The following MOB3B variants were observed in gnomAD, a reference collection of about 807,000 sequenced individuals.
MOB3B encodes the protein MOB kinase activator 3B.
In MOB3B, 7 loss-of-function variants were observed where a neutral mutation model predicts 18.7. The observed-to-expected ratio is 0.37, with a 90% CI of 0.21 to 0.70. MOB3B has a LOEUF of 0.70. MOB3B is among the 30% of genes least tolerant of loss of function. The pLI, the probability that MOB3B is intolerant of heterozygous loss-of-function variation, is 0.52. For synonymous variants in MOB3B, 111 were observed against 99.9 expected (o/e 1.11, Z -0.66); for missense variants, 253 against 281.3 (o/e 0.90, Z 0.72).
intron 3 of MOB3B, among the ~76,000 whole-genome samples, chr9:27,342,844 G>C (rs1820969866): frequency 6.6e-6 from 1 of 151,440 alleles, no homozygotes. Flanking sequence ...CGCCTGCCTT[G>C]GCCTCCCAAA....
intron 2 of MOB3B, among the ~76,000 whole-genome samples, chr9:27,454,817 T>C (rs1822843813): frequency 6.6e-6 from 1 of 152,138 alleles, no homozygotes; most frequent in Non-Finnish European, 1.5e-5. Flanking sequence ...AACCAAAAAA[T>C]AATAATCTTA....
At chr9:27,349,968 C>G (rs940914714) in intron 3 of MOB3B, among the ~76,000 whole-genome samples, 7 of 152,160 alleles carry the variant, frequency 4.6e-5, no homozygotes, top group African/African-American at 1.7e-4. Flanking sequence ...GGTAGAGCCT[C>G]TGGCTCAGTG....
At chr9:27,521,886 G>T (rs2131508252) in intron 1 of MOB3B, among the ~76,000 whole-genome samples, 1 of 152,228 alleles carries the variant, frequency 6.6e-6, no homozygotes, top group East Asian at 1.9e-4. Flanking sequence ...TCCCATTTCA[G>T]ATGTATAATA....
At chr9:27,388,366 T>C (rs1292388977) in intron 2 of MOB3B, among the ~76,000 whole-genome samples, 1 of 152,202 alleles carries the variant, frequency 6.6e-6, no homozygotes, top group African/African-American at 2.4e-5. Context: ...CAAGCACCCA[T>C]ACAGCTTTCA....
In MOB3B at chr9:27,354,545, TC is replaced by T. The variant is rs541884836; in HGVS notation, c.621+4488del. 1.2e-4 allele frequency among the ~76,000 whole-genome samples: 18 copies of T among 152,284 alleles called. No individual in the cohort carries two copies. The East Asian group carries it at 3.3e-3, about 28-fold the overall frequency. On this transcript the variant is annotated intron_variant, in intron 3 of 3. Transcript: ENST00000262244. ...CTAATCTGACAGGATGAAGCATTAGTCCCAACATGGAAATGGGTAAGTGGAG... is the reference window on the plus strand; with the variant it reads ...CTAATCTGACAGGATGAAGCATTAGTCCAACATGGAAATGGGTAAGTGGAG...
intron 1 of MOB3B, among the ~76,000 whole-genome samples, chr9:27,518,410 A>G (rs1820272959): frequency 6.6e-6 from 1 of 152,210 alleles, no homozygotes; most frequent in African/African-American, 2.4e-5. Flanking sequence ...AATTCTTACT[A>G]ACATCCTCAG....
rs114183492 is a variant in MOB3B, at chr9:27,349,744, G to A, written c.621+9290C>T. Reference sequence around the variant, plus strand: ...GTGGAGGTTCTGATGGGAAATCTAGGGAGAAATGTTGAGCAGAAGGTACTG... The same window carrying A: ...GTGGAGGTTCTGATGGGAAATCTAGAGAGAAATGTTGAGCAGAAGGTACTG... On this transcript the variant is annotated intron_variant, in intron 3 of 3. Transcript: ENST00000262244. 5.2e-3 allele frequency among the ~76,000 whole-genome samples: 795 copies of A among 152,270 alleles called. 8 individuals carry two copies. The highest frequency in any genetic ancestry group is 0.017 in the African/African-American group (701 of 41,558).
At position 27,359,064 on chromosome 9, in the gene MOB3B, G is replaced by A. The variant is rs759360636; in HGVS notation, c.591C>T (p.Asn197=). 4 of 1,614,154 alleles carry A rather than the reference G, an allele frequency of 2.5e-6. No individual in the cohort carries two copies. Among genetic ancestry groups the A allele is most frequent in the African/African-American group, 1.3e-5 (1 of 75,036 alleles). Residue 197 remains asparagine, a synonymous_variant, in exon 3 of 4, where the codon AAC becomes AAT. Coordinates refer to ENST00000262244, the MANE Select transcript of MOB3B (RefSeq NM_024761.5). Reference sequence around the variant, plus strand: ...GCTCTAGCTCCTTGCGGTCTATGAGGTTCATCTCTGTGACAAAGTAATAGA... The same window carrying A: ...GCTCTAGCTCCTTGCGGTCTATGAGATTCATCTCTGTGACAAAGTAATAGA... ...KHFYYFVTEM[N]LIDRKELEPL... is the part of the protein sequence containing the mutation.
chr9:27,446,998 T>G (rs942134785), intron 2 of MOB3B, among the ~76,000 whole-genome samples: 1 of 94,682 alleles, frequency 1.1e-5, no homozygotes. Context: ...AATAGGAAAT[T>G]AGCATGAATT....
chr9:27,376,327 A>T (rs1002741283), intron 2 of MOB3B, among the ~76,000 whole-genome samples: 1 of 152,248 alleles, frequency 6.6e-6, no homozygotes, highest in African/African-American at 2.4e-5. Context: ...TACATTTTAC[A>T]TTAAGAGTTC....
At chr9:27,438,128 A>G (rs1822540062) in intron 2 of MOB3B, among the ~76,000 whole-genome samples, 1 of 152,236 alleles carries the variant, frequency 6.6e-6, no homozygotes, top group African/African-American at 2.4e-5. Context: ...AACAGTAACT[A>G]TAAATAGCCA....
At chr9:27,409,198 C>T (rs1360786674) in intron 2 of MOB3B, among the ~76,000 whole-genome samples, 1 of 152,192 alleles carries the variant, frequency 6.6e-6, no homozygotes, top group Non-Finnish European at 1.5e-5. Context: ...AGTTATTGTT[C>T]TATGGATCAG....
intron 1 of MOB3B, among the ~76,000 whole-genome samples, chr9:27,465,026 C>T (rs1222115121): frequency 6.6e-6 from 1 of 152,156 alleles, no homozygotes; most frequent in Non-Finnish European, 1.5e-5. Context: ...CTCACGACCT[C>T]ACATTTCAAA....
intron 1 of MOB3B, among the ~76,000 whole-genome samples, chr9:27,465,193 G>A (rs1206107422): frequency 1.3e-5 from 2 of 152,200 alleles, no homozygotes; most frequent in Non-Finnish European, 2.9e-5. Context: ...TAGACACAAT[G>A]TGCGTACAGG....
chr9:27,368,745 A>G lies in MOB3B; in HGVS notation c.419-9509T>C, dbSNP rs190550638. ...GAAAGACAAACAGTGGTATGTGATT[A>G]TATGTTCTCAAGAGAGTCTTAATTC... On this transcript the variant is annotated intron_variant, in intron 2 of 3. Transcript: ENST00000262244. Among the ~76,000 whole-genome samples the G allele has an allele frequency of 3.1e-3, 473 of 152,272 alleles. 3 individuals carry two copies. The highest frequency in any genetic ancestry group is 5.0e-3 in the Non-Finnish European group (341 of 68,008).
In MOB3B at chr9:27,403,516, A is replaced by ATTTTTTT. The variant is rs74178385; in HGVS notation, c.419-44287_419-44281dup. On this transcript the variant is annotated intron_variant, in intron 2 of 3. Transcript: ENST00000262244. ...TAATGCTTGGTCTGGCTCTTTACTAATTTTTTTTTTTTTTTTTTTTTTTTT... is the reference window on the plus strand; with the variant it reads ...TAATGCTTGGTCTGGCTCTTTACTAATTTTTTTTTTTTTTTTTTTTTTTTTTTTTTTT... Among the ~76,000 whole-genome samples the ATTTTTTT allele has an allele frequency of 1.1e-3, 89 of 79,622 alleles. 2 individuals are homozygous for ATTTTTTT. Among genetic ancestry groups the ATTTTTTT allele is most frequent in the African/African-American group, 3.2e-3 (72 of 22,270 alleles). The allele number at this position is 79,622 out of a possible 152,430, so 52.2% of individuals were successfully genotyped here. A position where few individuals can be genotyped will look rare whatever the true frequency, so the allele number is the denominator to read the frequency against.
intron 2 of MOB3B, among the ~76,000 whole-genome samples, chr9:27,405,876 T>C (rs530531682): frequency 5.9e-5 from 9 of 152,304 alleles, no homozygotes; most frequent in African/African-American, 1.9e-4. Context: ...AAATTCAACA[T>C]TGATTCATGA....
At chr9:27,508,460 A>C (rs1175948870) in intron 1 of MOB3B, among the ~76,000 whole-genome samples, 3 of 152,032 alleles carry the variant, frequency 2.0e-5, no homozygotes, top group African/African-American at 4.8e-5. Flanking sequence ...GTGAAGAGGC[A>C]GTTTCCCTGG....
Position 27,455,672 on chromosome 9 carries a change from T to A in MOB3B, c.-122A>T. The A allele has an allele frequency of 6.5e-7, 1 of 1,535,202 alleles. No individual in the cohort carries two copies. Among genetic ancestry groups the A allele is most frequent in the Non-Finnish European group, 8.7e-7 (1 of 1,153,170 alleles). ...GCACTCAGGCCCCAGTCTTACAGCC[T>A]GTAGCTTTTAAGCTCTTCTAAACAG... On this transcript the variant is annotated 5_prime_UTR_variant, in exon 2 of 4. Transcript: ENST00000262244.
Sources: gnomAD v4.1 joint callset for allele counts (sites outside exome capture counted in the v4.1 genomes callset) on GRCh38, gnomAD v4.1.1 for gene constraint, MANE v1.5 for transcripts, NCBI Gene and HGNC (gene_info 2026-07-23, HGNC 2026-07-21) for gene names.